Variants in KLRC3 observed in about 807,000 individuals in gnomAD.
KLRC3 encodes the protein NKG2-E type II integral membrane protein.
In KLRC3, 16 loss-of-function variants were observed where a neutral mutation model predicts 23.6. The ratio of observed to expected loss-of-function variants is 0.68; its 90% CI spans 0.46 to 1.03. KLRC3 has a LOEUF of 1.03. KLRC3 is among the 50% of genes least tolerant of loss of function. KLRC3 has a pLI of 0.00. For synonymous variants in KLRC3, 70 were observed against 71.8 expected, an observed-to-expected ratio of 0.98 and a Z score of 0.13; for missense variants, 209 against 232.2, an observed-to-expected ratio of 0.90 and a Z score of 0.65.
chr12:10,414,387 G>A (rs988913833), intron 6 of KLRC3, among the ~76,000 whole-genome samples: 1 of 151,814 alleles, frequency 6.6e-6, no homozygotes, highest in Middle Eastern at 3.4e-3. Flanking sequence ...ACCAAACTTT[G>A]TAAATATGAA....
intron 6 of KLRC3, among the ~76,000 whole-genome samples, chr12:10,413,136 G>A (rs980402128): frequency 2.0e-5 from 3 of 152,046 alleles, no homozygotes; most frequent in East Asian, 1.9e-4. Context: ...CTCACCACAT[G>A]AGCCACATTT....
In KLRC3 at chr12:10,419,967, G is replaced by T; in HGVS notation, c.188-3C>A. The T allele has an allele frequency of 4.3e-6, 2 of 459,876 alleles. No homozygotes were observed. Among genetic ancestry groups the T allele is most frequent in the East Asian group, 3.5e-5 (1 of 28,550 alleles). 28.5% of individuals were successfully genotyped at this position (459,876 alleles called of 1,614,324 possible). ...CTTTTCTGGAGGTGGCAGTAAACCT[G>T]CAGGGAGAGAAATAGAGGCACTGAG... On this transcript the variant is annotated splice_region_variant and splice_polypyrimidine_tract_variant and intron_variant, in intron 1 of 6. Coordinates refer to ENST00000396439, the MANE Select transcript of KLRC3 (RefSeq NM_002261.3).
In KLRC3 at chr12:10,420,349, T is replaced by A. The variant is rs367596202; in HGVS notation, c.187+15A>T. 171 of 1,608,210 alleles carry A rather than the reference T, an allele frequency of 1.1e-4. No individual in the cohort carries two copies. The African/African-American group carries it at 2.0e-3, about 19-fold the overall frequency. ...TCCCAGAACAATAACATTGAAGATA[T>A]ATTTAATGTTTTACCTTGGCAGTCA... On this transcript the variant is annotated intron_variant, in intron 1 of 6. Transcript: ENST00000396439.
At chr12:10,419,496 T>G (rs74060400) in intron 2 of KLRC3, 35,606 of 723,512 alleles carry the variant, frequency 0.049, 3,416 homozygotes, top group South Asian at 0.24. Flanking sequence ...AATAACCATA[T>G]TATTTTGGTT....
Position 10,419,844 on chromosome 12 carries a change from A to G in KLRC3, c.286+22T>C, listed in dbSNP as rs201234318. ...GCATTAAAGTAAAACGTTCCCTTCT[A>G]ATCTTTCAAGAATATGCTTACAAGG... On this transcript the variant is annotated intron_variant, in intron 2 of 6. Transcript: ENST00000396439. The G allele has an allele frequency of 7.9e-3, 4,109 of 519,176 alleles. 143 individuals carry two copies. In the African/African-American group the frequency reaches 0.082, roughly 10 times the overall value. The allele number at this position is 519,176 out of a possible 1,614,324, so 32.2% of individuals were successfully genotyped here.
In KLRC3 at chr12:10,420,403, G is replaced by A; in HGVS notation, c.148C>T (p.Leu50=). Residue 50 remains leucine (L), a synonymous_variant, in exon 1 of 7, where the codon CTG becomes TTG. Coordinates refer to ENST00000396439, the MANE Select transcript of KLRC3 (RefSeq NM_002261.3). The stretch of plus-strand genomic sequence containing the variant: ...ATTTTATCAATCCCTTGATGATTCA[G>A]AGAAGCATTTTGAAGGTTTAATTCT... The part of the protein sequence containing the change: ...QVELNLQNAS[L]NHQGIDKIYD... The A allele has an allele frequency of 6.2e-7, 1 of 1,613,770 alleles. No individual in the cohort carries two copies.
intron 4 of KLRC3, among the ~76,000 whole-genome samples, chr12:10,417,074 T>C (rs886122150): frequency 4.0e-5 from 6 of 151,898 alleles, no homozygotes; most frequent in South Asian, 2.1e-4. Context: ...AATCAATCTA[T>C]TTTTGTGCTA....
chr12:10,419,469 T>C (rs1863691060), intron 2 of KLRC3: 2 of 477,212 alleles, frequency 4.2e-6, no homozygotes, highest in East Asian at 6.6e-5. Flanking sequence ...TTGTTATTTA[T>C]GTTGTGAAAA....
intron 1 of KLRC3, 24 bp downstream of exon 1, chr12:10,420,340 T>A: frequency 1.2e-6 from 2 of 1,604,212 alleles, no homozygotes; most frequent in African/African-American, 1.3e-5. Flanking sequence ...AACAATAACA[T>A]TGAAGATATA....
At position 10,415,782 on chromosome 12, in the gene KLRC3, T is replaced by G. The variant is rs201997887; in HGVS notation, c.600A>C (p.Ser200=). ...GLAFKHEIKD[S]DHAERNCAML... ...TTGCACAGTTACGTTCAGCATGATC[T>G]GAGTCTTTTATCCTGTAATGGAGAA... The change falls in exon 6 of 7, where the codon TCA becomes TCC. Residue 200 remains serine, a synonymous_variant. Coordinates refer to ENST00000396439, the MANE Select transcript of KLRC3 (RefSeq NM_002261.3). 7.0e-5 allele frequency: 113 copies of G among 1,610,334 alleles called. No individual in the cohort carries two copies. The highest frequency in any genetic ancestry group is 8.7e-5 in the Non-Finnish European group (103 of 1,178,000).
At chr12:10,418,547 T>C in intron 3 of KLRC3, 49 bp from the exon 4 acceptor site, 2 of 1,501,446 alleles carry the variant, frequency 1.3e-6, no homozygotes. Context: ...TTTTTAAAAA[T>C]GAAAATTAGT....
Position 10,412,491 on chromosome 12 carries a change from G to A in KLRC3, c.*81C>T. 1.4e-6 allele frequency: 1 copy of A among 689,936 alleles called. No homozygotes were observed. The highest frequency in any genetic ancestry group is 2.6e-6 in the Non-Finnish European group (1 of 380,952). The allele number at this position is 689,936 out of a possible 1,614,324, so 42.7% of individuals were successfully genotyped here. A position where few individuals can be genotyped will look rare whatever the true frequency, so the allele number is the denominator to read the frequency against. On this transcript the variant is annotated 3_prime_UTR_variant, in exon 7 of 7. Transcript: ENST00000396439. The stretch of plus-strand genomic sequence containing the variant: ...TAGATTTTTAAAACACAAGCTAAAT[G>A]GTACATGAGCACTCAGGGGCGGTGG...
chr12:10,419,658 A>G lies in KLRC3; in HGVS notation c.286+208T>C, dbSNP rs1863693514. On this transcript the variant is annotated intron_variant, in intron 2 of 6. Coordinates refer to ENST00000396439, the MANE Select transcript of KLRC3 (RefSeq NM_002261.3). The stretch of plus-strand genomic sequence containing the variant: ...TATTTAGATAAACCATAATGAGTTT[A>G]GTTTCTTACTTTGAAACTTTGTGTG... The G allele has an allele frequency of 4.3e-6, 2 of 465,514 alleles. 1 individual carries two copies. Among genetic ancestry groups the G allele is most frequent in the African/African-American group, 4.5e-5 (2 of 44,816 alleles). The allele number at this position is 465,514 out of a possible 1,614,324, so 28.8% of individuals were successfully genotyped here.
chr12:10,417,700 A>T (rs1863665258), intron 4 of KLRC3, among the ~76,000 whole-genome samples: 1 of 152,206 alleles, frequency 6.6e-6, no homozygotes, highest in Non-Finnish European at 1.5e-5. Flanking sequence ...TTTGCCCCTG[A>T]GGGCATGAGA....
At chr12:10,420,343 A>G (rs775265824) in intron 1 of KLRC3, 21 bp downstream of exon 1, 1 of 1,605,864 alleles carries the variant, frequency 6.2e-7, no homozygotes, top group African/African-American at 1.3e-5. Context: ...AATAACATTG[A>G]AGATATATTT....
intron 4 of KLRC3, among the ~76,000 whole-genome samples, chr12:10,417,088 T>G (rs1176063302): frequency 6.6e-6 from 1 of 151,888 alleles, no homozygotes; most frequent in Non-Finnish European, 1.5e-5. Context: ...TGTGCTATAT[T>G]TCTCAGAGTT....
At chr12:10,415,449 C>G in intron 6 of KLRC3, 1 of 563,262 alleles carries the variant, frequency 1.8e-6, no homozygotes, top group Non-Finnish European at 3.0e-6. Context: ...TAACATGCAA[C>G]TTTTAGGAAG....
intron 4 of KLRC3, among the ~76,000 whole-genome samples, chr12:10,418,129 T>C (rs530338193): frequency 3.9e-5 from 6 of 152,278 alleles, no homozygotes; most frequent in East Asian, 1.9e-4. Flanking sequence ...AAAGCATTAA[T>C]AGAAGCATGG....
chr12:10,417,285 C>T (rs1313003067), intron 4 of KLRC3, among the ~76,000 whole-genome samples: 1 of 151,390 alleles, frequency 6.6e-6, no homozygotes, highest in South Asian at 2.1e-4. Context: ...CTGCTACTCC[C>T]TACTAAAAAC....
Sources: allele counts gnomAD v4.1 joint callset (sites outside exome capture counted in the v4.1 genomes callset), GRCh38; gene constraint gnomAD v4.1.1; transcripts MANE v1.5; gene names NCBI Gene and HGNC (gene_info 2026-07-23, HGNC 2026-07-21).